The following FOXP2 variants were observed in gnomAD, a reference collection of about 807,000 sequenced individuals.
The protein encoded by FOXP2 is forkhead box P2, also known as forkhead box protein P2.
In FOXP2, 12 loss-of-function variants were observed where a neutral mutation model predicts 115.8. That is an observed-to-expected ratio of 0.10 (90% CI 0.07 to 0.17). FOXP2 has a LOEUF of 0.17. Among genes scored for constraint, FOXP2 ranks in the 10% least tolerant of loss-of-function variants. The probability of loss-of-function intolerance (pLI) is 1.00; values close to 1 mark genes in which losing one functional copy is unlikely to be tolerated. For synonymous variants in FOXP2, 328 were observed against 297.7 expected, an observed-to-expected ratio of 1.10 and a Z score of -1.05; for missense variants, 629 against 843.5, an observed-to-expected ratio of 0.75 and a Z score of 3.15.
intron 2 of FOXP2, among the ~76,000 whole-genome samples, chr7:114,462,439 T>C (rs1210176915): frequency 1.5e-5 from 2 of 134,484 alleles, no homozygotes; most frequent in Non-Finnish European, 3.1e-5. Flanking sequence ...TGGCGCTATC[T>C]CGGCTCACTG....
intron 15 of FOXP2, 39 bp from the exon 16 acceptor site, chr7:114,664,234 C>T (rs776697762): frequency 1.2e-6 from 2 of 1,606,926 alleles, no homozygotes; most frequent in South Asian, 2.2e-5. Flanking sequence ...TTTTAAATGC[C>T]ATTTTGAAAG....
chr7:114,533,710 G>C lies in FOXP2; in HGVS notation c.169-907G>C, dbSNP rs138095365. 1.3e-3 allele frequency among the ~76,000 whole-genome samples: 203 copies of C among 151,932 alleles called. 4 individuals are homozygous for C. The East Asian group carries it at 0.026, about 19-fold the overall frequency. On this transcript the variant is annotated intron_variant, in intron 2 of 16. Transcript: ENST00000350908. ...AGTGTTCATTGAACTCAGTTGTTGA[G>C]AGAGAAAATGAATTTTTTAAGAGAC...
intron 2 of FOXP2, among the ~76,000 whole-genome samples, chr7:114,400,345 T>A (rs1792857057): frequency 6.6e-6 from 1 of 152,154 alleles, no homozygotes; most frequent in Non-Finnish European, 1.5e-5. Context: ...CCCTCATAAA[T>A]TAATTTCCCA....
intron 1 of FOXP2, among the ~76,000 whole-genome samples, chr7:114,151,225 A>G (rs1391601066): frequency 6.6e-6 from 1 of 152,042 alleles, no homozygotes; most frequent in Non-Finnish European, 1.5e-5. Context: ...GCAAATAGGC[A>G]AAATCATAAT....
At position 114,186,142 on chromosome 7, in the gene FOXP2, G is replaced by T. The variant is rs1413953186; in HGVS notation, c.-102+23054G>T. Among the ~76,000 whole-genome samples, 7 of 152,064 alleles carry T rather than the reference G, an allele frequency of 4.6e-5. No individual in the cohort carries two copies. In the East Asian group the frequency reaches 1.4e-3, roughly 29 times the overall value. On this transcript the variant is annotated intron_variant, in intron 1 of 17. Coordinates refer to the FOXP2 transcript ENST00000634411. ...GAATTTTAGCATGATTTTTGGACGG[G>T]ACGTATGTTCAAACCATAGAATCTC...
intron 1 of FOXP2, among the ~76,000 whole-genome samples, chr7:114,256,316 A>T (rs1193741798): frequency 6.6e-6 from 1 of 152,126 alleles, no homozygotes; most frequent in Non-Finnish European, 1.5e-5. Flanking sequence ...CATGTTGATC[A>T]GGCTGGTCTC....
intron 3 of FOXP2, among the ~76,000 whole-genome samples, chr7:114,557,750 G>T (rs1800533805): frequency 6.6e-6 from 1 of 151,832 alleles, no homozygotes; most frequent in African/African-American, 2.4e-5. Context: ...GTTCTCAAAA[G>T]CAGAATTTTG....
intron 1 of FOXP2, among the ~76,000 whole-genome samples, chr7:114,121,046 G>C (rs1227623038): frequency 6.6e-6 from 1 of 152,182 alleles, no homozygotes; most frequent in African/African-American, 2.4e-5. Flanking sequence ...GTATGATGAA[G>C]TGGAAAAATA....
intron 2 of FOXP2, among the ~76,000 whole-genome samples, chr7:114,510,081 G>A (rs1185843499): frequency 6.6e-6 from 1 of 152,146 alleles, no homozygotes; most frequent in African/African-American, 2.4e-5. Context: ...GCAAAGAGAA[G>A]CTCACAATGC....
At chr7:114,438,814 A>G (rs17371272) in intron 2 of FOXP2, among the ~76,000 whole-genome samples, 7,156 of 152,236 alleles carry the variant, frequency 0.047, 228 homozygotes, top group Admixed American at 0.088. Context: ...TCAGATGCCC[A>G]ATATAAAATA....
At chr7:114,319,815 T>C (rs1006604480) in intron 2 of FOXP2, among the ~76,000 whole-genome samples, 3 of 152,230 alleles carry the variant, frequency 2.0e-5, no homozygotes, top group Non-Finnish European at 4.4e-5. Context: ...GTTATTTTGA[T>C]TGCTGGCTGC....
chr7:114,142,936 C>T (rs933175697), intron 1 of FOXP2, among the ~76,000 whole-genome samples: 16 of 151,792 alleles, frequency 1.1e-4, no homozygotes, highest in African/African-American at 3.9e-4. Flanking sequence ...TCGATTGAGT[C>T]CAGGGTTTCA....
At chr7:114,607,540 A>C (rs1295453213) in intron 3 of FOXP2, among the ~76,000 whole-genome samples, 1 of 152,232 alleles carries the variant, frequency 6.6e-6, no homozygotes, top group Non-Finnish European at 1.5e-5. Flanking sequence ...TTGCAGAGAC[A>C]TTAAAATATA....
intron 1 of FOXP2, among the ~76,000 whole-genome samples, chr7:114,247,749 A>G (rs180953611): frequency 5.9e-5 from 9 of 152,326 alleles, no homozygotes; most frequent in Non-Finnish European, 7.4e-5. Context: ...CTTTGCCAAC[A>G]TCGCATAGTA....
intron 1 of FOXP2, among the ~76,000 whole-genome samples, chr7:114,203,922 T>A (rs1402006937): frequency 6.6e-6 from 1 of 152,210 alleles, no homozygotes; most frequent in Non-Finnish European, 1.5e-5. Flanking sequence ...CATGGTAATA[T>A]TTAATATACT....
chr7:114,395,416 T>A (rs1350784205), intron 2 of FOXP2, among the ~76,000 whole-genome samples: 1 of 152,044 alleles, frequency 6.6e-6, no homozygotes, highest in African/African-American at 2.4e-5. Context: ...GTTTGGGAAG[T>A]ATTGAAGTGT....
chr7:114,618,644 T>C (rs1804075531), intron 3 of FOXP2, among the ~76,000 whole-genome samples: 1 of 152,198 alleles, frequency 6.6e-6, no homozygotes, highest in African/African-American at 2.4e-5. Context: ...AATGCATAAA[T>C]GTGCTCATAG....
chr7:114,482,679 T>C (rs1235879638), intron 2 of FOXP2, among the ~76,000 whole-genome samples: 1 of 151,604 alleles, frequency 6.6e-6, no homozygotes, highest in Non-Finnish European at 1.5e-5. Flanking sequence ...ATATAAATAT[T>C]TTTATGTGTT....
In FOXP2 at chr7:114,693,545, C is replaced by A. The variant is rs985438314; in HGVS notation, c.*3619C>A. On this transcript the variant is annotated 3_prime_UTR_variant, in exon 17 of 17. Transcript: ENST00000350908. ...AGCTATTGAAAGGAACATGGCTTAC[C>A]CTTGTTATTTCACTAGTTCAGGTTG... The A allele has an allele frequency of 2.2e-6, 1 of 453,070 alleles. No individual in the cohort carries two copies. The highest frequency in any genetic ancestry group is 4.4e-6 in the Non-Finnish European group (1 of 226,386). The allele number at this position is 453,070 out of a possible 1,614,324, so 28.1% of individuals were successfully genotyped here. A position where few individuals can be genotyped will look rare whatever the true frequency, so the allele number is the denominator to read the frequency against.
Sources: gnomAD v4.1 joint callset for allele counts (sites outside exome capture counted in the v4.1 genomes callset) on GRCh38, gnomAD v4.1.1 for gene constraint, MANE v1.5 for transcripts, NCBI Gene and HGNC (gene_info 2026-07-23, HGNC 2026-07-21) for gene names.